The following HRH1 variants were observed in gnomAD, a reference collection of about 807,000 sequenced individuals.
The protein encoded by HRH1 is histamine H1 receptor.
In HRH1, 6 loss-of-function variants were observed where a neutral mutation model predicts 10.3. The observed-to-expected ratio is 0.58, with a 90% confidence interval of 0.32 to 1.15. The LOEUF is 1.15. Among genes scored for constraint, HRH1 ranks in the 50% most tolerant of loss-of-function variants. HRH1 has a pLI of 0.05. For missense variants in HRH1, 514 were observed against 615.3 expected (o/e 0.84, Z 1.74); for synonymous variants, 242 against 236.7 (o/e 1.02, Z -0.21).
intron 1 of HRH1, among the ~76,000 whole-genome samples, chr3:11,249,267 G>A (rs1939572952): frequency 6.6e-6 from 1 of 152,006 alleles, no homozygotes; most frequent in Admixed American, 6.6e-5. Context: ...GCTGGGCATG[G>A]TGGCAGGTGC....
chr3:11,191,239 C>T (rs1937525192), intron 1 of HRH1, among the ~76,000 whole-genome samples: 1 of 152,196 alleles, frequency 6.6e-6, no homozygotes, highest in South Asian at 2.1e-4. Context: ...ACGGGGTATA[C>T]ACTTGCAGTC....
intron 1 of HRH1, among the ~76,000 whole-genome samples, chr3:11,212,301 T>C (rs1346900819): frequency 6.6e-6 from 1 of 152,188 alleles, no homozygotes; most frequent in East Asian, 1.9e-4. Flanking sequence ...TATATATATT[T>C]TGGAGGCAAA....
At chr3:11,221,193 G>C (rs1938700227) in intron 1 of HRH1, among the ~76,000 whole-genome samples, 1 of 152,148 alleles carries the variant, frequency 6.6e-6, no homozygotes, top group Non-Finnish European at 1.5e-5. Flanking sequence ...GTTAGACCTT[G>C]TCAAAGTGCT....
At chr3:11,243,301 A>G (rs1939398337) in intron 1 of HRH1, among the ~76,000 whole-genome samples, 1 of 152,188 alleles carries the variant, frequency 6.6e-6, no homozygotes, top group African/African-American at 2.4e-5. Flanking sequence ...AGGAGAAATG[A>G]TGGCAAGCGA....
chr3:11,245,440 TA>T (rs925385677), intron 1 of HRH1, among the ~76,000 whole-genome samples: 1 of 152,114 alleles, frequency 6.6e-6, no homozygotes, highest in African/African-American at 2.4e-5. Flanking sequence ...TGACCTTGAG[TA>T]AGATGCTTCA....
At chr3:11,157,474 G>A (rs952295932) in intron 1 of HRH1, among the ~76,000 whole-genome samples, 14 of 152,102 alleles carry the variant, frequency 9.2e-5, no homozygotes, top group East Asian at 3.9e-4. Flanking sequence ...TCACAGTGAC[G>A]CTGAGCATTT....
intron 1 of HRH1, among the ~76,000 whole-genome samples, chr3:11,255,490 C>T (rs1020438768): frequency 2.0e-5 from 3 of 152,150 alleles, no homozygotes; most frequent in South Asian, 2.1e-4. Context: ...TTATGAACCC[C>T]GAAAATCTGA....
chr3:11,210,350 G>T (rs149654347), intron 1 of HRH1, among the ~76,000 whole-genome samples: 1 of 151,908 alleles, frequency 6.6e-6, no homozygotes, highest in Non-Finnish European at 1.5e-5. Flanking sequence ...ACTATTGAAC[G>T]TGCCAGTGTA....
chr3:11,173,182 A>T (rs1937187008), intron 1 of HRH1, among the ~76,000 whole-genome samples: 1 of 152,192 alleles, frequency 6.6e-6, no homozygotes, highest in African/African-American at 2.4e-5. Context: ...CCTGGCTTTG[A>T]ATCTCAGCTG....
In HRH1 at chr3:11,259,379, C is replaced by G; in HGVS notation, c.342C>G (p.Ser114=). 2 of 1,613,974 alleles carry G rather than the reference C, an allele frequency of 1.2e-6. No homozygotes were observed. Among genetic ancestry groups the G allele is most frequent in the Non-Finnish European group, 1.7e-6 (2 of 1,180,010 alleles). ...TGGACTATGTGGCCAGCACAGCGTC[C>G]ATTTTCAGTGTCTTCATCCTGTGCA... ...LSMDYVASTA[S]IFSVFILCID... The change falls in exon 2 of 2, where the codon TCC becomes TCG. Residue 114 remains serine (S), a synonymous_variant. Coordinates refer to ENST00000431010, the MANE Select transcript of HRH1 (RefSeq NM_001098212.2). This position sits in a 1 kb window ranked among gnomAD's most constrained non-coding sequence, Gnocchi z 4.6.
intron 1 of HRH1, among the ~76,000 whole-genome samples, chr3:11,197,815 T>C (rs1282708968): frequency 6.6e-6 from 1 of 151,882 alleles, no homozygotes; most frequent in Non-Finnish European, 1.5e-5. Flanking sequence ...CTGTCTACAC[T>C]GTTTGTAACC....
At chr3:11,208,682 A>C (rs1021110624) in intron 1 of HRH1, among the ~76,000 whole-genome samples, 6 of 152,224 alleles carry the variant, frequency 3.9e-5, no homozygotes, top group African/African-American at 1.4e-4. Flanking sequence ...TAATTTGACA[A>C]ACTATTATGG....
At chr3:11,163,817 A>G (rs1936974776) in intron 1 of HRH1, among the ~76,000 whole-genome samples, 1 of 152,186 alleles carries the variant, frequency 6.6e-6, no homozygotes, top group African/African-American at 2.4e-5. Flanking sequence ...TTCAGGACTC[A>G]GAGGTATTCT....
At chr3:11,250,349 G>A (rs1330714703) in intron 1 of HRH1, among the ~76,000 whole-genome samples, 1 of 151,512 alleles carries the variant, frequency 6.6e-6, no homozygotes, top group Non-Finnish European at 1.5e-5. Context: ...GTGAGCCACC[G>A]CGCCCGGCCG....
chr3:11,252,953 G>A (rs898014555), intron 1 of HRH1, among the ~76,000 whole-genome samples: 10 of 151,810 alleles, frequency 6.6e-5, no homozygotes, highest in African/African-American at 2.2e-4. Flanking sequence ...GGAGGGGAGG[G>A]GAGGAATTTT....
intron 1 of HRH1, among the ~76,000 whole-genome samples, chr3:11,144,880 A>G (rs193032852): frequency 1.5e-3 from 225 of 152,234 alleles, no homozygotes; most frequent in African/African-American, 5.2e-3. Flanking sequence ...CAAAAAATAT[A>G]TAATAAATAA....
chr3:11,195,045 T>A (rs766480960), intron 1 of HRH1, among the ~76,000 whole-genome samples: 1 of 152,162 alleles, frequency 6.6e-6, no homozygotes, highest in Non-Finnish European at 1.5e-5. Context: ...CCCAGAGACA[T>A]CCTGGAAAGA....
chr3:11,250,106 G>A (rs191824112), intron 1 of HRH1, among the ~76,000 whole-genome samples: 1 of 135,816 alleles, frequency 7.4e-6, no homozygotes, highest in East Asian at 2.4e-4. Context: ...GCAGTGGCGC[G>A]ATCTCCGCTC....
In HRH1 at chr3:11,221,370, C is replaced by T. The variant is rs962542805; in HGVS notation, c.-35-37633C>T. Among the ~76,000 whole-genome samples the T allele has an allele frequency of 8.8e-4, 134 of 151,780 alleles. 1 individual carries two copies. Among genetic ancestry groups the T allele is most frequent in the African/African-American group, 3.1e-3 (130 of 41,366 alleles). ...GAGTTTAAGACCAGCCTGGGCAACACGGTGAAACCCTGTCTCTACTAAAAT... is the reference window on the plus strand; with the variant it reads ...GAGTTTAAGACCAGCCTGGGCAACATGGTGAAACCCTGTCTCTACTAAAAT... On this transcript the variant is annotated intron_variant, in intron 1 of 1. Coordinates refer to ENST00000431010, the MANE Select transcript of HRH1 (RefSeq NM_001098212.2).
Sources: allele counts gnomAD v4.1 joint callset (sites outside exome capture counted in the v4.1 genomes callset), GRCh38; gene constraint gnomAD v4.1.1; non-coding constraint Gnocchi (gnomAD v3.1); transcripts MANE v1.5; gene names NCBI Gene and HGNC (gene_info 2026-07-23, HGNC 2026-07-21).